KICS2: variants seen among roughly 807,000 people sequenced by gnomAD.
KICS2 encodes KICSTOR subunit 2, also known as KICSTOR complex protein C12orf66.
KICS2 carries 13 observed loss-of-function variants against 31.4 expected under a neutral mutation model. The observed-to-expected ratio is 0.41, with a 90% CI of 0.27 to 0.66. The LOEUF is 0.66. Among genes scored for constraint, KICS2 ranks in the 30% least tolerant of loss-of-function variants. The pLI, the probability that KICS2 is intolerant of heterozygous loss-of-function variation, is 0.28. For synonymous variants in KICS2, 209 were observed against 214.8 expected (o/e 0.97, Z 0.24); for missense variants, 455 against 545.4 (o/e 0.83, Z 1.65).
intron 2 of KICS2, among the ~76,000 whole-genome samples, chr12:64,211,882 C>A (rs1471630984): frequency 6.6e-6 from 1 of 152,098 alleles, no homozygotes; most frequent in East Asian, 1.9e-4. Context: ...ATGTATTATA[C>A]AACGGCAGAA....
intron 1 of KICS2, 49 bp downstream of exon 1, chr12:64,221,954 A>G: frequency 2.1e-6 from 3 of 1,425,556 alleles, no homozygotes; most frequent in Non-Finnish European, 2.8e-6. Context: ...TGGGGAATAT[A>G]CCCCCTTTAC....
chr12:64,194,820 T>G (rs2037417461), intron 2 of KICS2, 162 bp from the exon 3 acceptor site: 1 of 661,810 alleles, frequency 1.5e-6, no homozygotes, highest in Non-Finnish European at 1.9e-6. Context: ...TTTAAAATTC[T>G]GATATAATTT....
At chr12:64,208,273 T>A (rs1362063551) in intron 2 of KICS2, among the ~76,000 whole-genome samples, 1 of 152,226 alleles carries the variant, frequency 6.6e-6, no homozygotes, top group Non-Finnish European at 1.5e-5. Flanking sequence ...CCTCCCAAAG[T>A]GCTGGGATTA....
intron 2 of KICS2, among the ~76,000 whole-genome samples, chr12:64,206,244 A>G (rs753036400): frequency 1.5e-4 from 23 of 152,178 alleles, no homozygotes; most frequent in African/African-American, 3.4e-4. Context: ...TTTTTTTCAC[A>G]TGTGCAGAAC....
intron 2 of KICS2, among the ~76,000 whole-genome samples, chr12:64,207,901 A>G (rs1411334895): frequency 6.6e-6 from 1 of 152,248 alleles, no homozygotes; most frequent in East Asian, 1.9e-4. Context: ...CTAAGCAGAG[A>G]GGTAGGAAAT....
At chr12:64,213,403 C>T (rs2037601593) in intron 2 of KICS2, among the ~76,000 whole-genome samples, 1 of 152,120 alleles carries the variant, frequency 6.6e-6, no homozygotes, top group African/African-American at 2.4e-5. Flanking sequence ...CTGTATGACT[C>T]TAAGCAAAGT....
intron 2 of KICS2, among the ~76,000 whole-genome samples, chr12:64,209,387 C>T (rs1389442504): frequency 6.6e-6 from 1 of 152,024 alleles, no homozygotes; most frequent in East Asian, 1.9e-4. Context: ...GGGTTCAAGA[C>T]CAGCCTGGCC....
At position 64,193,207 on chromosome 12, in the gene KICS2, C is replaced by T. The variant is rs2037398103; in HGVS notation, c.*635G>A. On this transcript the variant is annotated 3_prime_UTR_variant, in exon 3 of 3. Transcript: ENST00000398055. ...TACATTACCCCAAAAGAACCCATGG[C>T]TATTAAAGCTGCCATGAGGATCTTC... The T allele has an allele frequency of 1.0e-6, 1 of 985,492 alleles. No individual in the cohort carries two copies. The highest frequency in any genetic ancestry group is 1.2e-6 in the Non-Finnish European group (1 of 830,012). The allele number at this position is 985,492 out of a possible 1,614,324, so 61.0% of individuals were successfully genotyped here.
downstream of KICS2, among the ~76,000 whole-genome samples, chr12:64,188,605 G>GAGAGGA (rs1472967444): frequency 1.3e-5 from 2 of 151,332 alleles, no homozygotes; most frequent in African/African-American, 4.9e-5. Flanking sequence ...GAGGGAGAGG[G>GAGAGGA]AGAGGAAAAA....
At chr12:64,212,095 G>A (rs923464846) in intron 2 of KICS2, among the ~76,000 whole-genome samples, 1 of 152,036 alleles carries the variant, frequency 6.6e-6, no homozygotes, top group Non-Finnish European at 1.5e-5. Flanking sequence ...TTAACAATTT[G>A]TGAATAAAGG....
At chr12:64,211,040 C>T (rs1384975157) in intron 2 of KICS2, among the ~76,000 whole-genome samples, 3 of 152,024 alleles carry the variant, frequency 2.0e-5, no homozygotes, top group Non-Finnish European at 4.4e-5. Flanking sequence ...GGAGGAAGGG[C>T]TCAGGGATGG....
At position 64,193,417 on chromosome 12, in the gene KICS2, A is replaced by T; in HGVS notation, c.*425T>A. The stretch of plus-strand genomic sequence containing the variant: ...TGAGACAGAAAACATATAGTTCTTA[A>T]TTCTAAAAAGGCCATTTAATATCTC... On this transcript the variant is annotated 3_prime_UTR_variant, in exon 3 of 3. Transcript: ENST00000398055. 1 of 988,626 alleles carries T rather than the reference A, an allele frequency of 1.0e-6. No homozygotes were observed. The highest frequency in any genetic ancestry group is 1.2e-6 in the Non-Finnish European group (1 of 832,148). 61.2% of individuals were successfully genotyped at this position (988,626 alleles called of 1,614,324 possible).
At position 64,196,658 on chromosome 12, in the gene KICS2, C is replaced by T. The variant is rs1178303927; in HGVS notation, c.522-2000G>A. Among the ~76,000 whole-genome samples, 49 of 143,486 alleles carry T rather than the reference C, an allele frequency of 3.4e-4. 1 individual carries two copies. Among genetic ancestry groups the T allele is most frequent in the African/African-American group, 1.1e-3 (40 of 37,846 alleles). 94.1% of individuals were successfully genotyped at this position (143,486 alleles called of 152,430 possible). A position where few individuals can be genotyped will look rare whatever the true frequency, so the allele number is the denominator to read the frequency against. On this transcript the variant is annotated intron_variant, in intron 2 of 2. Transcript: ENST00000398055. ...CAGACGATCAAATTACTCTGAGCTA[C>T]GGGAGGACATTCAAACCAAAGGCAA...
chr12:64,217,499 T>C lies in KICS2; in HGVS notation c.236-1536A>G, dbSNP rs144830561. ...AAAAAAAAACGCACAAAAAATCTCA[T>C]ATTGTTTAAGAAAGTTTAGCCAGAC... On this transcript the variant is annotated intron_variant, in intron 1 of 2. Transcript: ENST00000398055. 1.1e-3 allele frequency among the ~76,000 whole-genome samples: 168 copies of C among 150,538 alleles called. 1 individual carries two copies. The highest frequency in any genetic ancestry group is 3.9e-3 in the African/African-American group (159 of 41,046).
intron 1 of KICS2, among the ~76,000 whole-genome samples, chr12:64,219,931 C>T (rs969131752): frequency 1.3e-5 from 2 of 152,170 alleles, no homozygotes; most frequent in East Asian, 3.9e-4. Flanking sequence ...AATGGCAACA[C>T]GAAAGTTTTC....
intron 2 of KICS2, among the ~76,000 whole-genome samples, chr12:64,199,611 G>C (rs2037470551): frequency 6.7e-6 from 1 of 149,638 alleles, no homozygotes; most frequent in Non-Finnish European, 1.5e-5. Context: ...AGGGAAATTA[G>C]GCAAGAGAAG....
At chr12:64,196,558 G>A (rs2037441394) in intron 2 of KICS2, among the ~76,000 whole-genome samples, 1 of 151,822 alleles carries the variant, frequency 6.6e-6, no homozygotes, top group Middle Eastern at 3.2e-3. Context: ...CTCCTCCAAA[G>A]GAACACAGTT....
At chr12:64,195,871 C>A (rs890202828) in intron 2 of KICS2, among the ~76,000 whole-genome samples, 1 of 152,258 alleles carries the variant, frequency 6.6e-6, no homozygotes, top group Non-Finnish European at 1.5e-5. Flanking sequence ...TCACTCCCAC[C>A]CGAATACTGC....
intron 2 of KICS2, among the ~76,000 whole-genome samples, chr12:64,195,626 G>A (rs1180097142): frequency 6.6e-6 from 1 of 152,234 alleles, no homozygotes; most frequent in African/African-American, 2.4e-5. Flanking sequence ...AACAGCTCCG[G>A]TCTACAGCTC....
Sources: gnomAD v4.1 joint callset for allele counts (sites outside exome capture counted in the v4.1 genomes callset) on GRCh38, gnomAD v4.1.1 for gene constraint, MANE v1.5 for transcripts, NCBI Gene and HGNC (gene_info 2026-07-23, HGNC 2026-07-21) for gene names.